Variants in DLG2 observed in about 807,000 individuals in gnomAD.
DLG2 encodes disks large homolog 2.
DLG2 carries 45 observed loss-of-function variants against 132.5 expected under a neutral mutation model. That is an observed-to-expected ratio of 0.34 (90% CI 0.27 to 0.44). The LOEUF (loss-of-function observed/expected upper bound fraction) is 0.44, where lower values mean the gene tolerates loss of function less well. DLG2 is among the 20% of genes least tolerant of loss of function. DLG2 has a pLI of 1.00. For synonymous variants in DLG2, 424 were observed against 419.6 expected (o/e 1.01, Z -0.13); for missense variants, 1,045 against 1,196.9 (o/e 0.87, Z 1.87).
At position 85,395,992 on chromosome 11, in the gene DLG2, A is replaced by G. The variant is rs963891019; in HGVS notation, c.41-110627T>C. Among the ~76,000 whole-genome samples, 9 of 152,274 alleles carry G rather than the reference A, an allele frequency of 5.9e-5. 1 individual carries two copies. The highest frequency in any genetic ancestry group is 2.2e-4 in the African/African-American group (9 of 41,556). ...GAGTCCCTGACCCCTGTGTAGCCTGACTGGGAAACACCTCCCAGTAGGGGC... is the reference window on the plus strand; with the variant it reads ...GAGTCCCTGACCCCTGTGTAGCCTGGCTGGGAAACACCTCCCAGTAGGGGC... On this transcript the variant is annotated intron_variant, in intron 3 of 27. Transcript: ENST00000376104.
At chr11:84,787,735 C>T (rs1419799874) in intron 6 of DLG2, among the ~76,000 whole-genome samples, 1 of 152,042 alleles carries the variant, frequency 6.6e-6, no homozygotes, top group Non-Finnish European at 1.5e-5. Context: ...AAGGCCCTCA[C>T]CACTGGAAGA....
intron 7 of DLG2, among the ~76,000 whole-genome samples, chr11:84,483,566 C>A (rs1056649628): frequency 6.6e-6 from 1 of 151,796 alleles, no homozygotes; most frequent in African/African-American, 2.4e-5. Flanking sequence ...GCATAAAAAA[C>A]CACACATTAA....
chr11:83,995,275 G>A (rs2093962820), intron 11 of DLG2, among the ~76,000 whole-genome samples: 1 of 152,086 alleles, frequency 6.6e-6, no homozygotes, highest in African/African-American at 2.4e-5. Context: ...ATGAAGAAAG[G>A]CAGGTTGTAT....
intron 8 of DLG2, among the ~76,000 whole-genome samples, chr11:84,199,036 A>T (rs1367826298): frequency 6.6e-6 from 1 of 152,180 alleles, no homozygotes; most frequent in African/African-American, 2.4e-5. Context: ...TCTCAAGTGC[A>T]GTATTATTTG....
chr11:85,047,142 T>G (rs1420503066), intron 6 of DLG2, among the ~76,000 whole-genome samples: 5 of 151,954 alleles, frequency 3.3e-5, no homozygotes, highest in Admixed American at 3.3e-4. Context: ...TTCCTTATTT[T>G]ATGATCAGGG....
At chr11:83,704,685 G>T (rs941214581) in intron 18 of DLG2, among the ~76,000 whole-genome samples, 1 of 151,506 alleles carries the variant, frequency 6.6e-6, no homozygotes, top group African/African-American at 2.4e-5. Flanking sequence ...ATATTAGCTG[G>T]GCGTGGTGGC....
chr11:84,366,623 C>G (rs959337868), intron 7 of DLG2, among the ~76,000 whole-genome samples: 1 of 151,882 alleles, frequency 6.6e-6, no homozygotes, highest in Non-Finnish European at 1.5e-5. Context: ...GAAGATCTAC[C>G]AAGCAAATGG....
chr11:84,880,154 C>T (rs2087063626), intron 6 of DLG2, among the ~76,000 whole-genome samples: 1 of 152,022 alleles, frequency 6.6e-6, no homozygotes, highest in Non-Finnish European at 1.5e-5. Flanking sequence ...ACAGAGAGAT[C>T]AAATACTGGA....
At chr11:84,574,362 G>GA (rs35040163) in intron 6 of DLG2, among the ~76,000 whole-genome samples, 1,954 of 134,496 alleles carry the variant, frequency 0.015, 18 homozygotes, top group Middle Eastern at 0.043. Flanking sequence ...CTCTTAAACA[G>GA]AAAAAAAAAA....
intron 6 of DLG2, among the ~76,000 whole-genome samples, chr11:84,722,530 C>T (rs1387084601): frequency 6.6e-6 from 1 of 152,110 alleles, no homozygotes; most frequent in Admixed American, 6.6e-5. Context: ...AGAAAATAAA[C>T]CTGATTATGT....
rs181808363 is a variant in DLG2, at chr11:84,522,267, C to T, written c.519+12303G>A. On this transcript the variant is annotated intron_variant, in intron 7 of 27. Transcript: ENST00000376104. ...CTAGAAAATCTCTAAAGCACCAGTC[C>T]TGAAACCAGAAAATCTCTGGAACAC... Among the ~76,000 whole-genome samples the T allele has an allele frequency of 5.2e-3, 795 of 152,132 alleles. 14 individuals carry two copies. The highest frequency in any genetic ancestry group is 0.018 in the African/African-American group (743 of 41,512).
intron 6 of DLG2, among the ~76,000 whole-genome samples, chr11:84,673,571 A>G (rs1432695176): frequency 6.6e-6 from 1 of 150,978 alleles, no homozygotes; most frequent in Non-Finnish European, 1.5e-5. Context: ...AAACAAGTCT[A>G]CAAACAAAAC....
At chr11:84,558,915 A>T (rs779872866) in intron 6 of DLG2, among the ~76,000 whole-genome samples, 1 of 152,174 alleles carries the variant, frequency 6.6e-6, no homozygotes, top group Non-Finnish European at 1.5e-5. Context: ...GTTAGCTATG[A>T]TTCTCCTAAG....
intron 6 of DLG2, among the ~76,000 whole-genome samples, chr11:85,058,975 T>C (rs2063743789): frequency 1.3e-5 from 2 of 151,444 alleles, no homozygotes; most frequent in Non-Finnish European, 1.5e-5. Context: ...CAAAAGGCAC[T>C]TTATCATTTC....
At chr11:85,450,130 A>T (rs1202787441) in intron 3 of DLG2, among the ~76,000 whole-genome samples, 5 of 151,154 alleles carry the variant, frequency 3.3e-5, no homozygotes, top group Non-Finnish European at 7.4e-5. Flanking sequence ...ACTCCGTTTT[A>T]AAAAAAAATG....
intron 5 of DLG2, among the ~76,000 whole-genome samples, chr11:85,147,417 C>A (rs1018804564): frequency 1.3e-5 from 2 of 152,098 alleles, no homozygotes; most frequent in African/African-American, 4.8e-5. Context: ...TTTTTATATA[C>A]CTGTTGGACA....
intron 15 of DLG2, among the ~76,000 whole-genome samples, chr11:83,920,876 T>C (rs1470973808): frequency 6.6e-6 from 1 of 152,178 alleles, no homozygotes; most frequent in Non-Finnish European, 1.5e-5. Flanking sequence ...TCTATCTATC[T>C]TCATATATCA....
chr11:85,492,125 C>CA (rs1171997191), intron 3 of DLG2, among the ~76,000 whole-genome samples: 8 of 151,992 alleles, frequency 5.3e-5, no homozygotes, highest in African/African-American at 1.2e-4. Flanking sequence ...GTAGTCACTA[C>CA]AAAAAAAGAT....
At chr11:84,766,822 C>T (rs1226884109) in intron 6 of DLG2, among the ~76,000 whole-genome samples, 1 of 151,960 alleles carries the variant, frequency 6.6e-6, no homozygotes, top group Non-Finnish European at 1.5e-5. Flanking sequence ...AGTCAAGATG[C>T]TTATAGTATG....
Sources: gnomAD v4.1 joint callset for allele counts (sites outside exome capture counted in the v4.1 genomes callset) on GRCh38, gnomAD v4.1.1 for gene constraint, MANE v1.5 for transcripts, NCBI Gene and HGNC (gene_info 2026-07-23, HGNC 2026-07-21) for gene names.